Variants in CSNK1G2 observed in about 807,000 individuals in gnomAD.
CSNK1G2 encodes the protein casein kinase 1 gamma 2, also known as casein kinase I isoform gamma-2.
Under a neutral mutation model 48.0 loss-of-function variants are expected in CSNK1G2, and 11 were observed. The observed-to-expected ratio is 0.23, with a 90% CI of 0.14 to 0.38. CSNK1G2 has a LOEUF of 0.38. Ranked by LOEUF, CSNK1G2 falls within the 10% of genes least tolerant of loss-of-function variation. The pLI is 1.00. For missense variants in CSNK1G2, 446 were observed against 595.5 expected, an observed-to-expected ratio of 0.75 and a Z score of 2.61; for synonymous variants, 337 against 254.1, an observed-to-expected ratio of 1.33 and a Z score of -3.10.
Position 1,979,439 on chromosome 19 carries a change from A to G in CSNK1G2, c.853+36A>G, listed in dbSNP as rs1031816961. 227 of 394,616 alleles carry G rather than the reference A, an allele frequency of 5.8e-4. 1 individual carries two copies. The African/African-American group carries it at 6.0e-3, about 10-fold the overall frequency. 24.4% of individuals were successfully genotyped at this position (394,616 alleles called of 1,614,324 possible). A position where few individuals can be genotyped will look rare whatever the true frequency, so the allele number is the denominator to read the frequency against. ...CCTGCGCCCCCGCCCTGTGCCCCCC[A>G]CCCCCCACCCCCCACCCCCACCCCC... On this transcript the variant is annotated intron_variant, in intron 8 of 11. Transcript: ENST00000255641.
At chr19:1,970,907 G>A (rs529822001) in intron 2 of CSNK1G2, among the ~76,000 whole-genome samples, 9 of 152,174 alleles carry the variant, frequency 5.9e-5, no homozygotes, top group African/African-American at 2.2e-4. Context: ...TGGCACCCAT[G>A]GCAGGCACTC....
chr19:1,978,730 C>A lies in CSNK1G2; in HGVS notation c.427C>A (p.Leu143Met). The A allele has an allele frequency of 6.4e-7, 1 of 1,562,308 alleles. No homozygotes were observed. The highest frequency in any genetic ancestry group is 8.7e-7 in the Non-Finnish European group (1 of 1,150,910). ...CCGGACCTTCACGCTCAAGACGGTG[C>A]TGATGATCGCCATCCAGCTGGTGCG... The part of the protein sequence containing the change: ...CDRTFTLKTV[L>M]MIAIQLITRM... The change falls in exon 5 of 12, where the codon CTG (leucine) becomes ATG (methionine). Residue 143 changes from leucine (L) to methionine (M), a missense_variant. Transcript: ENST00000255641. The surrounding 1 kb of genome is among the most constrained non-coding windows in gnomAD (Gnocchi z 7.3).
intron 1 of CSNK1G2, among the ~76,000 whole-genome samples, chr19:1,951,848 T>G (rs1222972583): frequency 6.6e-6 from 1 of 151,598 alleles, no homozygotes; most frequent in Non-Finnish European, 1.5e-5. Context: ...AGCTGGCTAA[T>G]TTTTTGTATT....
At chr19:1,972,283 C>G (rs1293210091) in intron 2 of CSNK1G2, among the ~76,000 whole-genome samples, 4 of 152,204 alleles carry the variant, frequency 2.6e-5, no homozygotes, top group Non-Finnish European at 5.9e-5. Flanking sequence ...ACTAACTGCC[C>G]AAATAGAACT....
intron 2 of CSNK1G2, among the ~76,000 whole-genome samples, chr19:1,973,364 G>A (rs936308234): frequency 1.3e-5 from 2 of 151,924 alleles, no homozygotes; most frequent in African/African-American, 4.8e-5. Context: ...GAGATTACAG[G>A]TGCCTGCCAC....
chr19:1,945,174 C>A (rs1431458450), intron 1 of CSNK1G2, among the ~76,000 whole-genome samples: 1 of 152,230 alleles, frequency 6.6e-6, no homozygotes, highest in Non-Finnish European at 1.5e-5. Flanking sequence ...CTGCACCAGC[C>A]TGTGCGCCCG....
In CSNK1G2 at chr19:1,978,750, G is replaced by A; in HGVS notation, c.447G>A (p.Leu149=). The A allele has an allele frequency of 6.3e-7, 1 of 1,583,386 alleles. No homozygotes were observed. The change falls in exon 5 of 12, where the codon CTG becomes CTA. Residue 149 remains leucine, a splice_region_variant and synonymous_variant. Transcript: ENST00000255641. This position sits in a 1 kb window ranked among gnomAD's most constrained non-coding sequence, Gnocchi z 7.3. The part of the protein sequence containing the change: ...LKTVLMIAIQ[L]ITRMEYVHTK... ...CGGTGCTGATGATCGCCATCCAGCT[G>A]GTGCGCGGCGGGCGGGGCGGGGCGG...
chr19:1,978,669 G>A lies in CSNK1G2; in HGVS notation c.366G>A (p.Leu122=). The part of the protein sequence containing the change: ...GKYNAMVLEL[L]GPSLEDLFDL... ...ACAACGCCATGGTGCTGGAGCTGCTGGGGCCCAGCCTGGAGGACCTGTTCG... is the reference window on the plus strand; with the variant it reads ...ACAACGCCATGGTGCTGGAGCTGCTAGGGCCCAGCCTGGAGGACCTGTTCG... The change falls in exon 5 of 12, where the codon CTG becomes CTA. Residue 122 remains leucine (L), a synonymous_variant. Coordinates refer to ENST00000255641, the MANE Select transcript of CSNK1G2 (RefSeq NM_001319.7). The surrounding 1 kb of genome is among the most constrained non-coding windows in gnomAD (Gnocchi z 7.3). The A allele has an allele frequency of 6.2e-7, 1 of 1,607,474 alleles. No individual in the cohort carries two copies. The highest frequency in any genetic ancestry group is 8.5e-7 in the Non-Finnish European group (1 of 1,177,390).
chr19:1,971,631 C>T (rs891631162), intron 2 of CSNK1G2, among the ~76,000 whole-genome samples: 2 of 152,210 alleles, frequency 1.3e-5, no homozygotes, highest in African/African-American at 2.4e-5. Context: ...GGCACAGCCC[C>T]GTGACCTGCA....
chr19:1,968,361 C>T (rs912947603), intron 1 of CSNK1G2, among the ~76,000 whole-genome samples: 2 of 148,130 alleles, frequency 1.4e-5, no homozygotes, highest in African/African-American at 5.0e-5. Context: ...TGGGGCTCCT[C>T]CCTCCTCCCT....
At chr19:1,968,492 C>T (rs2015455003) in intron 1 of CSNK1G2, among the ~76,000 whole-genome samples, 1 of 152,220 alleles carries the variant, frequency 6.6e-6, no homozygotes, top group African/African-American at 2.4e-5. Flanking sequence ...AGAGAGCGAC[C>T]TGCACAGAGT....
chr19:1,944,468 G>T (rs1041238917), intron 1 of CSNK1G2, among the ~76,000 whole-genome samples: 2 of 152,184 alleles, frequency 1.3e-5, no homozygotes, highest in Admixed American at 6.5e-5. Context: ...GGAGAAGGTG[G>T]TGTTTCCCGA....
chr19:1,975,930 G>A, intron 2 of CSNK1G2: 1 of 803,762 alleles, frequency 1.2e-6, no homozygotes, highest in Non-Finnish European at 1.7e-6. Flanking sequence ...AGCTACTCAG[G>A]AGGCTGAGGC....
At chr19:1,955,842 G>C (rs935231278) in intron 1 of CSNK1G2, among the ~76,000 whole-genome samples, 1 of 152,180 alleles carries the variant, frequency 6.6e-6, no homozygotes, top group African/African-American at 2.4e-5. Flanking sequence ...GTTTGCTCCC[G>C]GCCGGCCCTG....
rs1277871574 is a variant in CSNK1G2 at position 1,978,947 on chromosome 19, A to G, written c.536A>G (p.Lys179Arg). 3 of 1,601,322 alleles carry G rather than the reference A, an allele frequency of 1.9e-6. No individual in the cohort carries two copies. Among genetic ancestry groups the G allele is most frequent in the Non-Finnish European group, 2.5e-6 (3 of 1,179,644 alleles). The change falls in exon 6 of 12, where the codon AAG becomes AGG. Residue 179 changes from lysine (K) to arginine (R), a missense_variant. Lys to Arg is a conservative substitution (Grantham distance 26). Transcript: ENST00000255641. The surrounding 1 kb of genome is among the most constrained non-coding windows in gnomAD (Gnocchi z 7.3). ...ENFLVGRPGT[K>R]RQHAIHIIDF... ...TTCCTGGTGGGCCGCCCGGGGACCA[A>G]GCGGCAGCATGCCATCCACATCATC...
intron 1 of CSNK1G2, among the ~76,000 whole-genome samples, chr19:1,950,113 T>A (rs55779577): frequency 0.13 from 19,981 of 151,340 alleles, 1,428 homozygotes; most frequent in South Asian, 0.19. Context: ...ACGTTTATTT[T>A]TATTTATTTT....
At chr19:1,967,490 G>A (rs12979359) in intron 1 of CSNK1G2, among the ~76,000 whole-genome samples, 22,158 of 150,790 alleles carry the variant, frequency 0.15, 2,310 homozygotes, top group African/African-American at 0.3. Context: ...CTGGGTCAGG[G>A]AGGACCCGGC....
At chr19:1,963,106 T>C (rs2015254383) in intron 1 of CSNK1G2, among the ~76,000 whole-genome samples, 1 of 135,056 alleles carries the variant, frequency 7.4e-6, no homozygotes, top group African/African-American at 2.8e-5. Context: ...ATGCCGTGTG[T>C]GATCCCATTT....
At position 1,979,303 on chromosome 19, in the gene CSNK1G2, C is replaced by A; in HGVS notation, c.769-16C>A. ...GGACGCAGGGCGGGAGCAAGGCTGA[C>A]CACAGACCCCCGCAGGCCGACACGC... On this transcript the variant is annotated splice_polypyrimidine_tract_variant and intron_variant, in intron 7 of 11. Transcript: ENST00000255641. 6.3e-7 allele frequency: 1 copy of A among 1,591,806 alleles called. No homozygotes were observed. Among genetic ancestry groups the A allele is most frequent in the Non-Finnish European group, 8.5e-7 (1 of 1,170,732 alleles).
Sources: allele counts gnomAD v4.1 joint callset (sites outside exome capture counted in the v4.1 genomes callset), GRCh38; gene constraint gnomAD v4.1.1; non-coding constraint Gnocchi (gnomAD v3.1); transcripts MANE v1.5; gene names NCBI Gene and HGNC (gene_info 2026-07-23, HGNC 2026-07-21).